The following EFCAB13 variants were observed in gnomAD, a reference collection of about 807,000 sequenced individuals.
EFCAB13 encodes the protein EF-hand calcium binding domain 13.
A neutral mutation model predicts 110.2 loss-of-function variants in EFCAB13; 91 were observed. The observed-to-expected ratio is 0.83, with a 90% CI of 0.70 to 0.98. The LOEUF is 0.98. EFCAB13 is among the 50% of genes least tolerant of loss of function. EFCAB13 has a pLI of 0.00. For synonymous variants in EFCAB13, 323 were observed against 369.9 expected (o/e 0.87, Z 1.45); for missense variants, 968 against 1,119.4 (o/e 0.86, Z 1.93).
chr17:47,329,689 G>T (rs74626683), intron 4 of EFCAB13, among the ~76,000 whole-genome samples: 1 of 151,936 alleles, frequency 6.6e-6, no homozygotes, highest in African/African-American at 2.4e-5. Flanking sequence ...TTCTGAGATT[G>T]TTTTCTTCTT....
chr17:47,334,149 T>G (rs1438755894), intron 4 of EFCAB13, among the ~76,000 whole-genome samples: 1 of 151,980 alleles, frequency 6.6e-6, no homozygotes, highest in Non-Finnish European at 1.5e-5. Flanking sequence ...TAAAATTTCA[T>G]CATTCTAACA....
intron 19 of EFCAB13, among the ~76,000 whole-genome samples, chr17:47,404,330 G>A (rs1357251646): frequency 6.6e-6 from 1 of 152,142 alleles, no homozygotes; most frequent in East Asian, 1.9e-4. Flanking sequence ...ACTGGTCAGA[G>A]TTACTGGGGC....
At chr17:47,432,491 T>C (rs905635377) in intron 24 of EFCAB13, among the ~76,000 whole-genome samples, 6 of 151,930 alleles carry the variant, frequency 3.9e-5, no homozygotes, top group Admixed American at 2.6e-4. Context: ...ACTTGGGGGG[T>C]TGAGGCAAGA....
At chr17:47,359,234 T>C (rs2143311461) in intron 9 of EFCAB13, among the ~76,000 whole-genome samples, 1 of 152,208 alleles carries the variant, frequency 6.6e-6, no homozygotes, top group South Asian at 2.1e-4. Flanking sequence ...CTCAACAGGC[T>C]GAGGTGGGAG....
At chr17:47,423,648 G>A (rs1361341083) in intron 23 of EFCAB13, 3 of 388,812 alleles carry the variant, frequency 7.7e-6, no homozygotes, top group East Asian at 8.0e-5. Context: ...TGGGTTCCAG[G>A]TAGGTGCGGG....
At chr17:47,387,021 C>T (rs113413560) in intron 14 of EFCAB13, among the ~76,000 whole-genome samples, 3,429 of 152,214 alleles carry the variant, frequency 0.023, 106 homozygotes, top group East Asian at 0.17. Flanking sequence ...GTTGGAAATG[C>T]AGAAATCACC....
chr17:47,409,388 G>C (rs1034393096), intron 20 of EFCAB13: 21 of 372,270 alleles, frequency 5.6e-5, no homozygotes, highest in Non-Finnish European at 7.4e-5. Flanking sequence ...GAGAAAGGAA[G>C]CATCTGTGAC....
At chr17:47,332,647 T>C (rs761563734) in intron 4 of EFCAB13, among the ~76,000 whole-genome samples, 1 of 151,968 alleles carries the variant, frequency 6.6e-6, no homozygotes, top group Non-Finnish European at 1.5e-5. Context: ...AGATTTCACA[T>C]GTAAGTGAGA....
chr17:47,440,442 G>T lies in EFCAB13; in HGVS notation c.2650G>T (p.Val884Phe). ...GCTTTGCCTTACAGAAAGTGGCAAGGTTAGCATTCAAGAATTTATGACTAA... is the reference window on the plus strand; with the variant it reads ...GCTTTGCCTTACAGAAAGTGGCAAGTTTAGCATTCAAGAATTTATGACTAA... The part of the protein sequence containing the change: ...RHVPEHESGK[V>F]SIQEFMTKLS... The change falls in exon 25 of 25, where the codon GTT (valine) becomes TTT (phenylalanine). Residue 884 changes from valine to phenylalanine, a missense_variant. By Grantham distance (50) the Val-to-Phe change is conservative. Coordinates refer to ENST00000331493, the MANE Select transcript of EFCAB13 (RefSeq NM_152347.5). 2.5e-6 allele frequency: 4 copies of T among 1,593,354 alleles called. No homozygotes were observed. Among genetic ancestry groups the T allele is most frequent in the African/African-American group, 1.3e-5 (1 of 74,164 alleles).
At chr17:47,324,301 C>G (rs1178293486) in intron 1 of EFCAB13, among the ~76,000 whole-genome samples, 153 bp from the exon 2 acceptor site, 1 of 151,998 alleles carries the variant, frequency 6.6e-6, no homozygotes, top group East Asian at 1.9e-4. Flanking sequence ...GGTGGTTCCT[C>G]AGAAATGGTG....
At chr17:47,420,073 A>G (rs62076505) in intron 23 of EFCAB13, among the ~76,000 whole-genome samples, 96,926 of 151,900 alleles carry the variant, frequency 0.64, 31,478 homozygotes, top group African/African-American at 0.73. Context: ...TCAGCCTGCC[A>G]AGTGCCTGCA....
chr17:47,344,568 T>C (rs1231555145), intron 7 of EFCAB13, among the ~76,000 whole-genome samples: 1 of 152,160 alleles, frequency 6.6e-6, no homozygotes, highest in African/African-American at 2.4e-5. Flanking sequence ...ACTCTTAAGA[T>C]GTCTTCCAAC....
At chr17:47,427,837 A>G (rs1263496490) in intron 23 of EFCAB13, among the ~76,000 whole-genome samples, 5 of 152,024 alleles carry the variant, frequency 3.3e-5, no homozygotes, top group Non-Finnish European at 4.4e-5. Context: ...ATGTTTTCCT[A>G]TAGACCTATT....
At chr17:47,351,318 C>CGCGCGCAT (rs2065451650) in intron 9 of EFCAB13, among the ~76,000 whole-genome samples, 1 of 34,234 alleles carries the variant, frequency 2.9e-5, no homozygotes, top group Non-Finnish European at 8.5e-5. Flanking sequence ...CGCGCGCGCG[C>CGCGCGCAT]GCGCGCGCGC....
At chr17:47,419,644 T>C (rs1357400083) in intron 23 of EFCAB13, among the ~76,000 whole-genome samples, 1 of 152,148 alleles carries the variant, frequency 6.6e-6, no homozygotes, top group Non-Finnish European at 1.5e-5. Context: ...TTTACAAAAT[T>C]ATCATTGGAG....
chr17:47,418,913 A>G (rs985397895), intron 23 of EFCAB13, among the ~76,000 whole-genome samples: 1 of 152,148 alleles, frequency 6.6e-6, no homozygotes, highest in African/African-American at 2.4e-5. Context: ...TATTTATTCT[A>G]TCCTTATATC....
intron 23 of EFCAB13, among the ~76,000 whole-genome samples, chr17:47,421,427 C>T (rs1427988767): frequency 1.3e-5 from 2 of 151,840 alleles, no homozygotes; most frequent in African/African-American, 4.8e-5. Flanking sequence ...TGCTTGAAGG[C>T]AGCATGCTCC....
intron 6 of EFCAB13, among the ~76,000 whole-genome samples, chr17:47,343,817 T>TA (rs1239704550): frequency 2.0e-5 from 3 of 152,074 alleles, no homozygotes; most frequent in African/African-American, 7.2e-5. Flanking sequence ...AGTCAAAGCC[T>TA]TTATATGTAG....
chr17:47,397,233 C>G (rs1435019378), intron 17 of EFCAB13, among the ~76,000 whole-genome samples: 1 of 152,218 alleles, frequency 6.6e-6, no homozygotes, highest in Admixed American at 6.5e-5. Context: ...GGGCTGGTCT[C>G]CAGCTCCTAG....
Sources: gnomAD v4.1 joint callset for allele counts (sites outside exome capture counted in the v4.1 genomes callset) on GRCh38, gnomAD v4.1.1 for gene constraint, MANE v1.5 for transcripts, NCBI Gene and HGNC (gene_info 2026-07-23, HGNC 2026-07-21) for gene names.